MRPS23: variants seen among roughly 807,000 people sequenced by gnomAD.
The protein encoded by MRPS23 is mitochondrial ribosomal protein S23, also known as small ribosomal subunit protein mS23.
MRPS23 carries 14 observed loss-of-function variants against 19.8 expected under a neutral mutation model. The ratio of observed to expected loss-of-function variants is 0.71; its 90% CI spans 0.47 to 1.11. MRPS23 has a LOEUF of 1.11. Among genes scored for constraint, MRPS23 ranks in the 50% least tolerant of loss-of-function variants. The pLI is 0.00. For synonymous variants in MRPS23, 113 were observed against 89.7 expected, an observed-to-expected ratio of 1.26 and a Z score of -1.47; for missense variants, 242 against 236.7, an observed-to-expected ratio of 1.02 and a Z score of -0.15.
Position 57,835,952 on chromosome 17 carries a change from C to CTTTTTTTTTTTTTT in MRPS23, c.*3817_*3830dup, listed in dbSNP as rs11304363. ...ATAAGAATTTCTGCCCTCCTTTATA[C>CTTTTTTTTTTTTTT]TTTTTTTTTTTTTTTTTTTGAGACA... On this transcript the variant is annotated 3_prime_UTR_variant, in exon 5 of 5. Coordinates refer to ENST00000313608, the MANE Select transcript of MRPS23 (RefSeq NM_016070.4). 4.4e-5 allele frequency: 6 copies of CTTTTTTTTTTTTTT among 135,256 alleles called. 1 individual carries two copies. Among genetic ancestry groups the CTTTTTTTTTTTTTT allele is most frequent in the Admixed American group, 1.5e-4 (2 of 13,244 alleles). 8.4% of individuals were successfully genotyped at this position (135,256 alleles called of 1,614,324 possible).
Position 57,839,562 on chromosome 17 carries a change from G to A in MRPS23, c.*221C>T, listed in dbSNP as rs2073727502. ...AGTAAATTTACTTTATAAGCAGCTA[G>A]GGAATTCTTTATTTAGTAATGTCCT... On this transcript the variant is annotated 3_prime_UTR_variant, in exon 5 of 5. Transcript: ENST00000313608. 7.3e-6 allele frequency: 3 copies of A among 410,506 alleles called. No homozygotes were observed. Among genetic ancestry groups the A allele is most frequent in the Admixed American group, 8.0e-5 (2 of 24,940 alleles). 25.4% of individuals were successfully genotyped at this position (410,506 alleles called of 1,614,324 possible).
intron 2 of MRPS23, among the ~76,000 whole-genome samples, chr17:57,842,522 T>A (rs2073745419): frequency 1.3e-5 from 2 of 152,184 alleles, no homozygotes; most frequent in Non-Finnish European, 2.9e-5. Context: ...CTCTAAACCA[T>A]GCTGCAATCA....
chr17:57,840,745 TA>T, intron 4 of MRPS23, 180 bp downstream of exon 4: 1 of 571,662 alleles, frequency 1.7e-6, no homozygotes, highest in South Asian at 3.6e-5. Flanking sequence ...ATAAATGATT[TA>T]GAGATGATTA....
chr17:57,847,384 C>G lies in MRPS23; in HGVS notation c.215+1856G>C, dbSNP rs562386597. On this transcript the variant is annotated intron_variant, in intron 2 of 4. Coordinates refer to ENST00000313608, the MANE Select transcript of MRPS23 (RefSeq NM_016070.4). The stretch of plus-strand genomic sequence containing the variant: ...TTGGAAAAAAAGAGAATAAAGAGGC[C>G]GGGCGCGGTGGCTCACGCCTGTAAT... 2.0e-5 allele frequency among the ~76,000 whole-genome samples: 3 copies of G among 151,774 alleles called. No homozygotes were observed. The South Asian group carries it at 6.2e-4, about 32-fold the overall frequency.
intron 2 of MRPS23, among the ~76,000 whole-genome samples, chr17:57,842,847 A>C (rs1192855893): frequency 7.0e-6 from 1 of 141,976 alleles, no homozygotes; most frequent in Non-Finnish European, 1.5e-5. Context: ...ACATGGTGAG[A>C]CCTGAGACCC....
chr17:57,849,143 CCT>C (rs2073795277), intron 2 of MRPS23, 95 bp downstream of exon 2: 5 of 1,501,614 alleles, frequency 3.3e-6, no homozygotes, highest in Admixed American at 1.9e-5. Flanking sequence ...AGGGCAAACC[CCT>C]GACTCAATTT....
intron 2 of MRPS23, chr17:57,849,025 G>A (rs943419352): frequency 3.4e-6 from 2 of 586,800 alleles, no homozygotes; most frequent in Non-Finnish European, 5.9e-6. Flanking sequence ...GGCTATAATT[G>A]CAATGATCTT....
intron 2 of MRPS23, among the ~76,000 whole-genome samples, 190 bp from the exon 3 acceptor site, chr17:57,841,450 G>C (rs189243770): frequency 6.6e-6 from 1 of 152,294 alleles, no homozygotes; most frequent in Admixed American, 6.5e-5. Context: ...ACATCAAATA[G>C]CACAAAAGGG....
chr17:57,849,407 A>C lies in MRPS23; in HGVS notation c.48T>G (p.Thr16=). ...LETVGSIFSR[T]RDLVRAGVLK... ...GCACCCCGGCCCGAACCAGGTCCCG[A>C]GTCCTTAGGGAGGGAACAGAACGAA... The change falls in exon 2 of 5, where the codon ACT becomes ACG. Residue 16 remains threonine (T), a synonymous_variant. Coordinates refer to ENST00000313608, the MANE Select transcript of MRPS23 (RefSeq NM_016070.4). 6.2e-7 allele frequency: 1 copy of C among 1,613,694 alleles called. No homozygotes were observed. Among genetic ancestry groups the C allele is most frequent in the African/African-American group, 1.3e-5 (1 of 75,052 alleles).
In MRPS23 at chr17:57,842,169, C is replaced by A. The variant is rs1313989366; in HGVS notation, c.216-909G>T. 8.5e-5 allele frequency among the ~76,000 whole-genome samples: 13 copies of A among 152,264 alleles called. No individual in the cohort carries two copies. In the East Asian group the frequency reaches 2.5e-3, roughly 29 times the overall value. ...TGGAACTACAGGTTCGCAGCACCAC[C>A]ATGCCTGGCTAAGTTTTAAATTTTT... On this transcript the variant is annotated intron_variant, in intron 2 of 4. Transcript: ENST00000313608.
Position 57,850,011 on chromosome 17 carries a change from G to C in MRPS23, c.-1C>G, listed in dbSNP as rs1568017982. On this transcript the variant is annotated 5_prime_UTR_variant, in exon 1 of 5. The change creates a new upstream start codon in the 5' untranslated region. Coordinates refer to ENST00000313608, the MANE Select transcript of MRPS23 (RefSeq NM_016070.4). ...CGGTTTCCAGCCGGCTGCCTGCCAT[G>C]ATCTGCGCCTGGTACCGAGCGTGAC... 6.3e-7 allele frequency: 1 copy of C among 1,593,076 alleles called. No homozygotes were observed. The highest frequency in any genetic ancestry group is 1.3e-5 in the African/African-American group (1 of 74,354).
intron 2 of MRPS23, among the ~76,000 whole-genome samples, chr17:57,842,624 T>C (rs1160360739): frequency 6.6e-6 from 1 of 152,174 alleles, no homozygotes; most frequent in East Asian, 1.9e-4. Flanking sequence ...TATGTGCATT[T>C]GTAATTAAGC....
At chr17:57,849,785 G>A in intron 1 of MRPS23, 182 bp downstream of exon 1, 1 of 700,578 alleles carries the variant, frequency 1.4e-6, no homozygotes, top group South Asian at 2.0e-5. Flanking sequence ...TTCAAGGAGA[G>A]GCATCCTCAG....
chr17:57,839,750 T>G lies in MRPS23; in HGVS notation c.*33A>C. On this transcript the variant is annotated 3_prime_UTR_variant, in exon 5 of 5. Transcript: ENST00000313608. ...CTCAACATTCAGCCAGTGAGTAGAG[T>G]GTGAATGCCAGCATACACAGTATAC... 1 of 1,559,710 alleles carries G rather than the reference T, an allele frequency of 6.4e-7. No individual in the cohort carries two copies. The highest frequency in any genetic ancestry group is 1.3e-5 in the African/African-American group (1 of 74,340).
chr17:57,840,291 G>A (rs1358611538), intron 4 of MRPS23, among the ~76,000 whole-genome samples: 1 of 152,042 alleles, frequency 6.6e-6, no homozygotes, highest in Non-Finnish European at 1.5e-5. Context: ...GGAGGCTGAG[G>A]CAGGAGAATG....
chr17:57,849,171 A>G (rs535423625), intron 2 of MRPS23, 69 bp downstream of exon 2: 8 of 1,560,186 alleles, frequency 5.1e-6, no homozygotes, highest in South Asian at 3.5e-5. Flanking sequence ...TTGAATTCCC[A>G]GACTGCTACC....
At chr17:57,843,174 G>A (rs1033825392) in intron 2 of MRPS23, among the ~76,000 whole-genome samples, 4 of 151,800 alleles carry the variant, frequency 2.6e-5, no homozygotes, top group African/African-American at 9.7e-5. Flanking sequence ...TACTCAGGAG[G>A]CTGAGGTGGG....
intron 2 of MRPS23, among the ~76,000 whole-genome samples, chr17:57,846,447 T>C (rs538261264): frequency 2.0e-4 from 31 of 152,142 alleles, no homozygotes; most frequent in Non-Finnish European, 3.5e-4. Flanking sequence ...CGGGCCATGA[T>C]GACGATGGGG....
rs1345019300 is a variant in MRPS23 at position 57,840,913 on chromosome 17, A to T, written c.420+13T>A. 1.9e-6 allele frequency: 3 copies of T among 1,613,850 alleles called. No individual in the cohort carries two copies. Among genetic ancestry groups the T allele is most frequent in the Middle Eastern group, 3.3e-4 (2 of 6,062 alleles). On this transcript the variant is annotated intron_variant, in intron 4 of 4. Transcript: ENST00000313608. ...TATAAACCCAGTAACAATTTTAACAATGAAATACTCACAGTCCTTGCTTCG... is the reference window on the plus strand; with the variant it reads ...TATAAACCCAGTAACAATTTTAACATTGAAATACTCACAGTCCTTGCTTCG...
Sources: allele counts gnomAD v4.1 joint callset (sites outside exome capture counted in the v4.1 genomes callset), GRCh38; gene constraint gnomAD v4.1.1; transcripts MANE v1.5; gene names NCBI Gene and HGNC (gene_info 2026-07-23, HGNC 2026-07-21).